The following DDX10 variants were observed in gnomAD, a reference collection of about 807,000 sequenced individuals.
DDX10 encodes the protein DEAD-box helicase 10, also known as probable ATP-dependent RNA helicase DDX10.
In DDX10, 74 loss-of-function variants were observed where a neutral mutation model predicts 104.3. That is an observed-to-expected ratio of 0.71 (90% confidence interval 0.59 to 0.86). The LOEUF is 0.86. Among genes scored for constraint, DDX10 ranks in the 40% least tolerant of loss-of-function variants. The pLI, the probability that DDX10 is intolerant of heterozygous loss-of-function variation, is 0.00. For synonymous variants in DDX10, 351 were observed against 353.4 expected (o/e 0.99, Z 0.08); for missense variants, 952 against 1,040.0 (o/e 0.92, Z 1.16).
chr11:108,725,760 G>C (rs562037106), intron 13 of DDX10, among the ~76,000 whole-genome samples: 25 of 151,918 alleles, frequency 1.6e-4, no homozygotes, highest in African/African-American at 5.6e-4. Flanking sequence ...TATTTTGAGT[G>C]TCTGGCAAAG....
chr11:108,675,319 C>G (rs767491226), intron 2 of DDX10, among the ~76,000 whole-genome samples: 9 of 152,174 alleles, frequency 5.9e-5, no homozygotes, highest in Non-Finnish European at 8.8e-5. Flanking sequence ...ACTTGTCTCT[C>G]TTCACATGGT....
chr11:108,722,869 T>C, intron 12 of DDX10, 128 bp from the exon 13 acceptor site: 1 of 1,381,496 alleles, frequency 7.2e-7, no homozygotes, highest in South Asian at 1.6e-5. Flanking sequence ...AGTATTGAGT[T>C]GTATCTCACA....
chr11:108,709,605 C>A (rs956398242), intron 10 of DDX10, among the ~76,000 whole-genome samples: 8 of 152,042 alleles, frequency 5.3e-5, no homozygotes, highest in African/African-American at 1.9e-4. Context: ...CTTTTTATGT[C>A]CATGGGATTT....
chr11:108,900,783 T>G (rs940889703), intron 16 of DDX10, among the ~76,000 whole-genome samples: 1 of 152,094 alleles, frequency 6.6e-6, no homozygotes, highest in African/African-American at 2.4e-5. Flanking sequence ...TGGGAGTTAA[T>G]AATCCTGCTT....
intron 12 of DDX10, among the ~76,000 whole-genome samples, chr11:108,722,365 AT>A (rs544898541): frequency 6.4e-4 from 98 of 152,350 alleles, no homozygotes; most frequent in African/African-American, 2.3e-3. Context: ...TGGGAAAGAC[AT>A]GATAATAAAT....
chr11:108,866,452 A>G, intron 16 of DDX10, among the ~76,000 whole-genome samples: 1 of 152,078 alleles, frequency 6.6e-6, no homozygotes, highest in East Asian at 1.9e-4. Context: ...AGACCATTTC[A>G]GTAGTTGAGA....
Position 108,852,180 on chromosome 11 carries a change from A to G in DDX10, c.2275A>G (p.Arg759Gly), listed in dbSNP as rs1199963263. ...REKRLKEREA[R>G]REANKRQAKA... ...GAAAAGACTGAAAGAAAGGGAAGCC[A>G]GAAGAGAAGCCAACAAGAGACAAGC... Residue 759 changes from arginine (R) to glycine (G), a missense_variant, in exon 16 of 18, where the codon AGA becomes GGA. Around this residue, in one of 3 missense-constraint regions of DDX10, gnomAD observed 533 missense variants for 534.1 expected, o/e 1.00. Coordinates refer to ENST00000322536, the MANE Select transcript of DDX10 (RefSeq NM_004398.4). 1.2e-6 allele frequency: 2 copies of G among 1,611,408 alleles called. No individual in the cohort carries two copies. Among genetic ancestry groups the G allele is most frequent in the African/African-American group, 2.7e-5 (2 of 74,888 alleles).
chr11:108,871,321 T>G (rs1383728297), intron 16 of DDX10, among the ~76,000 whole-genome samples: 1 of 152,182 alleles, frequency 6.6e-6, no homozygotes, highest in African/African-American at 2.4e-5. Context: ...ACTTTAATTA[T>G]AACTCAAAGA....
At chr11:108,719,409 T>C (rs1205749932) in intron 11 of DDX10, among the ~76,000 whole-genome samples, 1 of 152,156 alleles carries the variant, frequency 6.6e-6, no homozygotes, top group Non-Finnish European at 1.5e-5. Flanking sequence ...TTTTGATAGA[T>C]GAGGATACTG....
At chr11:108,686,911 A>G (rs2094244983) in intron 6 of DDX10, among the ~76,000 whole-genome samples, 1 of 151,796 alleles carries the variant, frequency 6.6e-6, no homozygotes, top group Non-Finnish European at 1.5e-5. Context: ...CAGCCTCCCA[A>G]GTAGCTGGGA....
chr11:108,833,698 A>G (rs1483684440), intron 13 of DDX10, among the ~76,000 whole-genome samples: 1 of 152,138 alleles, frequency 6.6e-6, no homozygotes, highest in Non-Finnish European at 1.5e-5. Context: ...GGCTTCATGG[A>G]TTTCCCTAAA....
intron 16 of DDX10, among the ~76,000 whole-genome samples, chr11:108,881,833 T>C (rs754496449): frequency 6.6e-6 from 1 of 152,166 alleles, no homozygotes; most frequent in East Asian, 1.9e-4. Context: ...TATACAGTAG[T>C]CCTTTTGTGA....
At chr11:108,688,711 T>C (rs1253380558) in intron 6 of DDX10, among the ~76,000 whole-genome samples, 1 of 152,236 alleles carries the variant, frequency 6.6e-6, no homozygotes, top group Non-Finnish European at 1.5e-5. Flanking sequence ...GTTCTTGTCA[T>C]GCTTTGTTTG....
At chr11:108,875,745 G>A (rs1052560811) in intron 16 of DDX10, among the ~76,000 whole-genome samples, 1 of 152,112 alleles carries the variant, frequency 6.6e-6, no homozygotes, top group African/African-American at 2.4e-5. Context: ...GCACTTTCAC[G>A]TTTCGCGGTC....
chr11:108,745,496 C>A (rs988345986), intron 13 of DDX10, among the ~76,000 whole-genome samples: 1 of 152,054 alleles, frequency 6.6e-6, no homozygotes, highest in Non-Finnish European at 1.5e-5. Flanking sequence ...CCTTGGCCTT[C>A]CAAAGTGTTA....
intron 13 of DDX10, among the ~76,000 whole-genome samples, chr11:108,796,306 G>T (rs1057346757): frequency 6.6e-6 from 1 of 152,138 alleles, no homozygotes; most frequent in Non-Finnish European, 1.5e-5. Flanking sequence ...TTTTTGTTCC[G>T]TGATGACAAA....
intron 11 of DDX10, among the ~76,000 whole-genome samples, chr11:108,718,120 G>A (rs1241877057): frequency 6.6e-6 from 1 of 151,854 alleles, no homozygotes; most frequent in Non-Finnish European, 1.5e-5. Context: ...AGCCAAGATT[G>A]TGCCATTGCA....
intron 13 of DDX10, among the ~76,000 whole-genome samples, chr11:108,796,381 T>C (rs1861941863): frequency 6.6e-6 from 1 of 152,236 alleles, no homozygotes; most frequent in Non-Finnish European, 1.5e-5. Flanking sequence ...AAACATATGC[T>C]TTTGGGGACA....
At chr11:108,928,299 C>G (rs570441156) in intron 17 of DDX10, among the ~76,000 whole-genome samples, 5 of 152,326 alleles carry the variant, frequency 3.3e-5, no homozygotes, top group African/African-American at 9.6e-5. Context: ...ATGCCTTTCT[C>G]TATCAATACA....
Sources: allele counts gnomAD v4.1 joint callset (sites outside exome capture counted in the v4.1 genomes callset), GRCh38; gene constraint gnomAD v4.1.1; regional missense constraint gnomAD v4.1.1; transcripts MANE v1.5; gene names NCBI Gene and HGNC (gene_info 2026-07-23, HGNC 2026-07-21).